Variants in LRRC36 observed in about 807,000 individuals in gnomAD.
LRRC36 encodes leucine-rich repeat-containing protein 36.
A neutral mutation model predicts 81.1 loss-of-function variants in LRRC36; 62 were observed. The ratio of observed to expected loss-of-function variants is 0.76; its 90% CI spans 0.62 to 0.94. The LOEUF (loss-of-function observed/expected upper bound fraction) is 0.94. Ranked by LOEUF, LRRC36 falls within the 40% of genes least tolerant of loss-of-function variation. The pLI, the probability that LRRC36 is intolerant of heterozygous loss-of-function variation, is 0.00. For synonymous variants in LRRC36, 334 were observed against 348.6 expected (o/e 0.96, Z 0.47); for missense variants, 761 against 881.7 (o/e 0.86, Z 1.73).
intron 2 of LRRC36, among the ~76,000 whole-genome samples, chr16:67,344,223 T>C (rs544058766): frequency 6.6e-6 from 1 of 152,324 alleles, no homozygotes; most frequent in South Asian, 2.1e-4. Flanking sequence ...GGGGAATACA[T>C]AAATTCATGA....
chr16:67,327,604 G>A (rs9939328), intron 1 of LRRC36, among the ~76,000 whole-genome samples: 26,944 of 152,142 alleles, frequency 0.18, 5,709 homozygotes, highest in African/African-American at 0.51. Flanking sequence ...CAGAGGAGAG[G>A]TCAGGGTTAG....
chr16:67,337,575 G>C (rs1360579430), intron 1 of LRRC36, among the ~76,000 whole-genome samples: 2 of 151,178 alleles, frequency 1.3e-5, no homozygotes, highest in African/African-American at 2.4e-5. Flanking sequence ...GGTCAGTCTG[G>C]TCTCAAACTC....
intron 1 of LRRC36, among the ~76,000 whole-genome samples, chr16:67,338,939 G>C (rs997295949): frequency 1.6e-5 from 2 of 127,034 alleles, no homozygotes; most frequent in Non-Finnish European, 3.1e-5. Flanking sequence ...CTGTTGCCCA[G>C]GCTGGAGTGC....
At chr16:67,377,696 G>A (rs1199226801) in intron 11 of LRRC36, among the ~76,000 whole-genome samples, 1 of 146,374 alleles carries the variant, frequency 6.8e-6, no homozygotes, top group South Asian at 2.2e-4. Flanking sequence ...GTGCAATGGT[G>A]CGATCTCGGC....
intron 4 of LRRC36, among the ~76,000 whole-genome samples, chr16:67,348,320 A>G (rs1452148313): frequency 1.3e-5 from 2 of 152,240 alleles, no homozygotes; most frequent in Admixed American, 1.3e-4. Flanking sequence ...AGATAATATC[A>G]GCATTTTTTC....
At chr16:67,371,368 C>A in intron 9 of LRRC36, 126 bp downstream of exon 9, 1 of 1,173,216 alleles carries the variant, frequency 8.5e-7, no homozygotes, top group Non-Finnish European at 1.3e-6. Context: ...TTTTCAGAGG[C>A]TGGTGGCTAA....
intron 10 of LRRC36, among the ~76,000 whole-genome samples, chr16:67,376,139 C>G (rs970028351): frequency 2.0e-5 from 3 of 151,836 alleles, no homozygotes; most frequent in East Asian, 1.9e-4. Flanking sequence ...GAAACCCTGT[C>G]CCTACTAAAA....
Position 67,376,725 on chromosome 16 carries a change from A to G in LRRC36, c.1661-2A>G, listed in dbSNP as rs1265437583. On this transcript the variant is annotated splice_acceptor_variant, in intron 10 of 13. Coordinates refer to ENST00000329956, the MANE Select transcript of LRRC36 (RefSeq NM_018296.6). LOFTEE classifies it high-confidence loss of function. The stretch of plus-strand genomic sequence containing the variant: ...TGTGTGCCCATCCTGAATTTTTGGC[A>G]GGTCCTGCCCGAGATTTGCTTCTGT... The G allele has an allele frequency of 1.2e-5, 20 of 1,608,542 alleles. No individual in the cohort carries two copies. The highest frequency in any genetic ancestry group is 1.7e-5 in the Non-Finnish European group (20 of 1,175,670).
chr16:67,332,736 G>A (rs997450667), intron 1 of LRRC36, among the ~76,000 whole-genome samples: 3 of 152,098 alleles, frequency 2.0e-5, no homozygotes, highest in Admixed American at 6.6e-5. Flanking sequence ...TGAAAGGCAT[G>A]AGAAATGCTG....
At chr16:67,364,065 C>T (rs929329527) in intron 6 of LRRC36, among the ~76,000 whole-genome samples, 6 of 152,290 alleles carry the variant, frequency 3.9e-5, no homozygotes, top group African/African-American at 1.4e-4. Flanking sequence ...CTCCTGTTGC[C>T]TTGCTTCTTA....
intron 2 of LRRC36, 104 bp downstream of exon 2, chr16:67,342,188 CT>C (rs2038121346): frequency 3.0e-6 from 2 of 671,718 alleles, no homozygotes; most frequent in Admixed American, 6.8e-5. Context: ...AAGACCTTCC[CT>C]TTAAATGATT....
At chr16:67,344,648 T>TC (rs1403142647) in intron 2 of LRRC36, among the ~76,000 whole-genome samples, 2 of 152,012 alleles carry the variant, frequency 1.3e-5, no homozygotes, top group African/African-American at 2.4e-5. Context: ...TGAAAGACAG[T>TC]CCTAATGGTG....
In LRRC36 at chr16:67,371,207, C is replaced by T; in HGVS notation, c.1459C>T (p.Leu487=). The T allele has an allele frequency of 1.9e-6, 3 of 1,614,172 alleles. No homozygotes were observed. Among genetic ancestry groups the T allele is most frequent in the South Asian group, 2.2e-5 (2 of 91,074 alleles). The change falls in exon 9 of 14, where the codon CTA becomes TTA. Residue 487 remains leucine, a synonymous_variant. Transcript: ENST00000329956. ...GGACAATATCCTTGCCAACCTGAATCTAAAGCATGGTTTCCAAGATGCTAC... is the reference window on the plus strand; with the variant it reads ...GGACAATATCCTTGCCAACCTGAATTTAAAGCATGGTTTCCAAGATGCTAC... ...WKDNILANLN[L]KHGFQDATGS...
intron 4 of LRRC36, 59 bp downstream of exon 4, chr16:67,347,650 T>C: frequency 1.2e-5 from 13 of 1,119,600 alleles, no homozygotes; most frequent in Non-Finnish European, 1.6e-5. Flanking sequence ...AAATAGTGAA[T>C]TCCTGCTTAG....
rs548287209 is a variant in LRRC36, at chr16:67,326,824, G to T, written c.-39G>T. 4 of 1,403,680 alleles carry T rather than the reference G, an allele frequency of 2.8e-6. No individual in the cohort carries two copies. Among genetic ancestry groups the T allele is most frequent in the African/African-American group, 1.5e-5 (1 of 65,590 alleles). The allele number at this position is 1,403,680 out of a possible 1,614,324, so 87.0% of individuals were successfully genotyped here. ...GTGGGCGGGGCCTGGCGTGCGCCGGGTGGTCTCGCGGGCGGTGGCAGGTGA... is the reference window on the plus strand; with the variant it reads ...GTGGGCGGGGCCTGGCGTGCGCCGGTTGGTCTCGCGGGCGGTGGCAGGTGA... On this transcript the variant is annotated 5_prime_UTR_variant, in exon 1 of 14. Transcript: ENST00000329956.
At position 67,375,348 on chromosome 16, in the gene LRRC36, C is replaced by T; in HGVS notation, c.1596C>T (p.Leu532=). 1.9e-6 allele frequency: 3 copies of T among 1,611,226 alleles called. No individual in the cohort carries two copies. Among genetic ancestry groups the T allele is most frequent in the Non-Finnish European group, 2.5e-6 (3 of 1,179,242 alleles). ...ATGTGGCCACTGTCCTCAGACAGCT[C>T]CTGGAGCTTGTGGATAAGCACTGGA... is the stretch of plus-strand genomic sequence containing the variant. ...TPHVATVLRQ[L]LELVDKHWNG... The change falls in exon 10 of 14, where the codon CTC becomes CTT. Residue 532 remains leucine (L), a synonymous_variant. Coordinates refer to ENST00000329956, the MANE Select transcript of LRRC36 (RefSeq NM_018296.6).
rs1039103968 is a variant in LRRC36 at position 67,334,940 on chromosome 16, C to T, written c.71-7017C>T. ...GATTTTCAAAAGGGGAGGGAGTGTA[C>T]GAATAGGGGGTGGGTCACATAGATC... On this transcript the variant is annotated intron_variant, in intron 1 of 13. Coordinates refer to ENST00000329956, the MANE Select transcript of LRRC36 (RefSeq NM_018296.6). Among the ~76,000 whole-genome samples the T allele has an allele frequency of 4.6e-5, 7 of 151,902 alleles. No individual in the cohort carries two copies. The South Asian group carries it at 8.3e-4, about 18-fold the overall frequency.
intron 6 of LRRC36, among the ~76,000 whole-genome samples, chr16:67,364,006 C>G (rs1327409260): frequency 6.6e-6 from 1 of 152,130 alleles, no homozygotes; most frequent in African/African-American, 2.4e-5. Context: ...GCAACTGTTA[C>G]AGTTTTTGGC....
chr16:67,357,756 T>C (rs1325175046), intron 5 of LRRC36, among the ~76,000 whole-genome samples: 1 of 152,182 alleles, frequency 6.6e-6, no homozygotes, highest in African/African-American at 2.4e-5. Flanking sequence ...AAGTCCTTCC[T>C]TGAAGGGGAT....
Sources: allele counts gnomAD v4.1 joint callset (sites outside exome capture counted in the v4.1 genomes callset), GRCh38; gene constraint gnomAD v4.1.1; transcripts MANE v1.5; gene names NCBI Gene and HGNC (gene_info 2026-07-23, HGNC 2026-07-21).